The following ACOX3 variants were observed in gnomAD, a reference collection of about 807,000 sequenced individuals.
ACOX3 encodes the protein peroxisomal acyl-coenzyme A oxidase 3.
In ACOX3, 73 loss-of-function variants were observed where a neutral mutation model predicts 81.5. The observed-to-expected ratio is 0.90, with a 90% confidence interval of 0.74 to 1.09. ACOX3 has a LOEUF of 1.09. ACOX3 is among the 50% of genes least tolerant of loss of function. ACOX3 has a pLI of 0.00. For missense variants in ACOX3, 947 were observed against 928.0 expected (o/e 1.02, Z -0.27); for synonymous variants, 387 against 375.1 (o/e 1.03, Z -0.37).
Position 8,406,126 on chromosome 4 carries a change from G to A in ACOX3, c.688-83C>T. On this transcript the variant is annotated intron_variant, in intron 6 of 17. Coordinates refer to ENST00000356406, the MANE Select transcript of ACOX3 (RefSeq NM_003501.3). This position sits in a 1 kb window ranked among gnomAD's most constrained non-coding sequence, Gnocchi z 5.6. ...AACAAATGTGTTCAGAAACCCACAG[G>A]GTGGGCCATGGGCTCAACGCTGGGC... is the stretch of plus-strand genomic sequence containing the variant. 1 of 1,359,120 alleles carries A rather than the reference G, an allele frequency of 7.4e-7. No individual in the cohort carries two copies. 84.2% of individuals were successfully genotyped at this position (1,359,120 alleles called of 1,614,324 possible). A position where few individuals can be genotyped will look rare whatever the true frequency, so the allele number is the denominator to read the frequency against.
chr4:8,359,430 C>T, the ACOX3 span, among the ~76,000 whole-genome samples: 1 of 152,088 alleles, frequency 6.6e-6, no homozygotes, highest in Non-Finnish European at 1.5e-5. This position sits in a 1 kb window ranked among gnomAD's most constrained non-coding sequence, Gnocchi z 6.0. Context: ...GGGTTAGAGT[C>T]CCTTCTCAGA....
chr4:8,423,161 T>C lies in ACOX3; in HGVS notation c.-14-6626A>G, dbSNP rs10012186. On this transcript the variant is annotated intron_variant, in intron 1 of 17. Coordinates refer to ENST00000356406, the MANE Select transcript of ACOX3 (RefSeq NM_003501.3). This position sits in a 1 kb window ranked among gnomAD's most constrained non-coding sequence, Gnocchi z 4.2. ...TGTCACTACCCGAGGGGTCCTAGGA[T>C]AGGCAGTCACTAGATACTTCTCCCA... is the stretch of plus-strand genomic sequence containing the variant. 0.12 allele frequency among the ~76,000 whole-genome samples: 18,322 copies of C among 152,156 alleles called. 1,274 individuals carry two copies. Among genetic ancestry groups the C allele is most frequent in the South Asian group, 0.21 (997 of 4,814 alleles).
rs971988080 is a variant in ACOX3, at chr4:8,419,175, C to T, written c.-14-2640G>A. 6.6e-6 allele frequency among the ~76,000 whole-genome samples: 1 copy of T among 152,026 alleles called. No homozygotes were observed. Among genetic ancestry groups the T allele is most frequent in the South Asian group, 2.1e-4 (1 of 4,824 alleles). On this transcript the variant is annotated intron_variant, in intron 1 of 17. Coordinates refer to ENST00000356406, the MANE Select transcript of ACOX3 (RefSeq NM_003501.3). This position sits in a 1 kb window ranked among gnomAD's most constrained non-coding sequence, Gnocchi z 4.2. ...AATAGGCCAGGCGCAGTGGCTCATG[C>T]CTGTAATCCCAGCACTTTGGGAGGC...
chr4:8,428,216 T>G (rs2688242), intron 1 of ACOX3: 112,011 of 148,980 alleles, frequency 0.75, 42,079 homozygotes, highest in African/African-American at 0.87. Flanking sequence ...CCGCGAATCC[T>G]CACAGCCCCC....
At chr4:8,369,698 G>A (rs555554051) in intron 17 of ACOX3, among the ~76,000 whole-genome samples, 14 of 152,356 alleles carry the variant, frequency 9.2e-5, no homozygotes, top group African/African-American at 1.2e-4. Flanking sequence ...TGGCTAAGCC[G>A]GTAAGGGCTC....
intron 7 of ACOX3, among the ~76,000 whole-genome samples, chr4:8,401,095 T>C (rs1367943276): frequency 6.6e-6 from 1 of 151,840 alleles, no homozygotes; most frequent in African/African-American, 2.4e-5. Flanking sequence ...CACAGTAGGA[T>C]TCACGCTCCT....
At chr4:8,413,244 T>G (rs1321312949) in intron 5 of ACOX3, among the ~76,000 whole-genome samples, 4 of 113,836 alleles carry the variant, frequency 3.5e-5, no homozygotes, top group Non-Finnish European at 5.3e-5. Flanking sequence ...GTGGCCCATC[T>G]CCCTCCACCC....
At position 8,400,045 on chromosome 4, in the gene ACOX3, G is replaced by C. The variant is rs751699384; in HGVS notation, c.777-393C>G. On this transcript the variant is annotated intron_variant, in intron 7 of 17. Transcript: ENST00000356406. This position sits in a 1 kb window ranked among gnomAD's most constrained non-coding sequence, Gnocchi z 4.4. ...GTGGATCACCTCAGGTCAGGAGTTC[G>C]AAACCAGCCTGACCAATATGGTGAA... Among the ~76,000 whole-genome samples, 1 of 152,140 alleles carries C rather than the reference G, an allele frequency of 6.6e-6. No homozygotes were observed. Among genetic ancestry groups the C allele is most frequent in the African/African-American group, 2.4e-5 (1 of 41,500 alleles).
rs569541568 is a variant in ACOX3 at position 8,366,800 on chromosome 4, C to G, written c.*161G>C. On this transcript the variant is annotated 3_prime_UTR_variant, in exon 18 of 18. Transcript: ENST00000356406. ...TCCAGCCGGCCGGGTGCCTCCCTCCCGTCCGCCTGGGCAGTTGAGGCCAAT... is the reference window on the plus strand; with the variant it reads ...TCCAGCCGGCCGGGTGCCTCCCTCCGGTCCGCCTGGGCAGTTGAGGCCAAT... The G allele has an allele frequency of 6.2e-6, 6 of 974,888 alleles. No homozygotes were observed. Among genetic ancestry groups the G allele is most frequent in the Non-Finnish European group, 8.8e-6 (6 of 682,036 alleles). 60.4% of individuals were successfully genotyped at this position (974,888 alleles called of 1,614,324 possible).
Position 8,394,982 on chromosome 4 carries a change from A to C in ACOX3, c.1057-240T>G. The C allele has an allele frequency of 2.5e-6, 1 of 401,052 alleles. No individual in the cohort carries two copies. The highest frequency in any genetic ancestry group is 4.6e-6 in the Non-Finnish European group (1 of 217,440). 24.8% of individuals were successfully genotyped at this position (401,052 alleles called of 1,614,324 possible). A position where few individuals can be genotyped will look rare whatever the true frequency, so the allele number is the denominator to read the frequency against. ...GACAAGCTCAAACGCAATTCGCTAA[A>C]TGGCCGCTATTCACAGCTGTCCCAT... On this transcript the variant is annotated intron_variant, in intron 9 of 17. Transcript: ENST00000356406. The surrounding 1 kb of genome is among the most constrained non-coding windows in gnomAD (Gnocchi z 5.9).
chr4:8,399,693 G>A lies in ACOX3; in HGVS notation c.777-41C>T, dbSNP rs894084509. The stretch of plus-strand genomic sequence containing the variant: ...AGGGCTTCTGTTAAACAGGGGTCCT[G>A]CCCTGAGGCTCTTCTCTTCTCCAAG... On this transcript the variant is annotated intron_variant, in intron 7 of 17. Transcript: ENST00000356406. The surrounding 1 kb of genome is among the most constrained non-coding windows in gnomAD (Gnocchi z 4.9). 8 of 1,560,790 alleles carry A rather than the reference G, an allele frequency of 5.1e-6. No homozygotes were observed. In the African/African-American group the frequency reaches 9.5e-5, roughly 19 times the overall value.
At chr4:8,438,761 G>A (rs1321528455) in intron 1 of ACOX3, 1 of 152,202 alleles carries the variant, frequency 6.6e-6, no homozygotes, top group Non-Finnish European at 1.5e-5. Flanking sequence ...CACTCCCACT[G>A]CTGTTAAAAG....
intron 17 of ACOX3, among the ~76,000 whole-genome samples, chr4:8,369,850 G>C (rs545658904): frequency 1.4e-4 from 22 of 152,308 alleles, no homozygotes; most frequent in Non-Finnish European, 2.6e-4. Flanking sequence ...GGCAGGGATG[G>C]GGTCAAACCC....
chr4:8,429,832 C>T (rs928893398), intron 1 of ACOX3, among the ~76,000 whole-genome samples: 7 of 152,178 alleles, frequency 4.6e-5, no homozygotes, highest in Admixed American at 3.3e-4. Context: ...GTCCCAACTA[C>T]TCGTGAGGCT....
In ACOX3 at chr4:8,375,084, G is replaced by A. The variant is rs765959306; in HGVS notation, c.1722C>T (p.His574=). Residue 574 remains histidine (H), a synonymous_variant, in exon 15 of 18, where the codon CAC becomes CAT. Coordinates refer to ENST00000356406, the MANE Select transcript of ACOX3 (RefSeq NM_003501.3). ...AGGGCGGCACGGAAGGCTGGTGCAC[G>A]TGCTCGTGGAACCTCTGGACCACCG... ...ELTVVQRFHE[H]VHQPSVPPSL... The A allele has an allele frequency of 9.0e-6, 14 of 1,554,026 alleles. No individual in the cohort carries two copies. Among genetic ancestry groups the A allele is most frequent in the Middle Eastern group, 1.7e-4 (1 of 5,886 alleles).
intron 1 of ACOX3, chr4:8,439,379 G>A (rs1025520707): frequency 1.3e-5 from 2 of 152,146 alleles, no homozygotes; most frequent in African/African-American, 4.8e-5. Flanking sequence ...CAACCTATTT[G>A]CTCAGCTGGC....
rs575350777 is a variant in ACOX3 at position 8,396,553 on chromosome 4, C to T, written c.1056+384G>A. Reference sequence around the variant, plus strand: ...TTAGCCGGGCATGGTGGTGCATGCCCATAATCCCAGCTACTCGGGAGGCTG... The same window carrying T: ...TTAGCCGGGCATGGTGGTGCATGCCTATAATCCCAGCTACTCGGGAGGCTG... On this transcript the variant is annotated intron_variant, in intron 9 of 17. Coordinates refer to ENST00000356406, the MANE Select transcript of ACOX3 (RefSeq NM_003501.3). Among the ~76,000 whole-genome samples, 11 of 152,070 alleles carry T rather than the reference C, an allele frequency of 7.2e-5. No individual in the cohort carries two copies. In the South Asian group the frequency reaches 8.3e-4, roughly 11 times the overall value.
At chr4:8,433,760 G>T (rs186982023) in intron 1 of ACOX3, among the ~76,000 whole-genome samples, 1 of 152,310 alleles carries the variant, frequency 6.6e-6, no homozygotes, top group Admixed American at 6.5e-5. Context: ...CCAATGGAGG[G>T]ATTAATGTAC....
chr4:8,392,877 C>G (rs996106894), intron 10 of ACOX3: 4 of 154,474 alleles, frequency 2.6e-5, no homozygotes, highest in African/African-American at 9.6e-5. Flanking sequence ...AGACAGTGCT[C>G]GCTCCCAGGA....
Sources: allele counts gnomAD v4.1 joint callset (sites outside exome capture counted in the v4.1 genomes callset), GRCh38; gene constraint gnomAD v4.1.1; non-coding constraint Gnocchi (gnomAD v3.1); transcripts MANE v1.5; gene names NCBI Gene and HGNC (gene_info 2026-07-23, HGNC 2026-07-21).